MCC: variants seen among roughly 807,000 people sequenced by gnomAD.
The protein encoded by MCC is MCC regulator of Wnt signaling pathway.
Under a neutral mutation model 116.2 loss-of-function variants are expected in MCC, and 90 were observed. That is an observed-to-expected ratio of 0.77 (90% CI 0.65 to 0.92). The LOEUF is 0.92. MCC is among the 40% of genes least tolerant of loss of function. The probability of loss-of-function intolerance (pLI) is 0.00; values close to 1 mark genes in which losing one functional copy is unlikely to be tolerated. For missense variants in MCC, 1,516 were observed against 1,312.2 expected (o/e 1.16, Z -2.40); for synonymous variants, 578 against 510.5 (o/e 1.13, Z -1.78).
chr5:113,360,070 C>G (rs1768508195), intron 2 of MCC, among the ~76,000 whole-genome samples: 1 of 152,116 alleles, frequency 6.6e-6, no homozygotes, highest in Non-Finnish European at 1.5e-5. Flanking sequence ...AGCCTGCTCC[C>G]TGCCATGAAA....
chr5:113,040,951 C>T (rs1401619469), intron 17 of MCC, among the ~76,000 whole-genome samples: 1 of 152,196 alleles, frequency 6.6e-6, no homozygotes, highest in Non-Finnish European at 1.5e-5. Flanking sequence ...GCTTAGCTTA[C>T]AGATACAATA....
At chr5:113,383,241 ATG>A (rs1336071995) in intron 2 of MCC, among the ~76,000 whole-genome samples, 2 of 152,192 alleles carry the variant, frequency 1.3e-5, no homozygotes, top group African/African-American at 4.8e-5. Flanking sequence ...GTGTTCCACA[ATG>A]TACTTAACAC....
chr5:113,039,351 C>T (rs1044756308), intron 17 of MCC, among the ~76,000 whole-genome samples: 2 of 152,202 alleles, frequency 1.3e-5, no homozygotes, highest in African/African-American at 4.8e-5. Flanking sequence ...ACCTGGCTCA[C>T]TCAGATCCTT....
At chr5:113,382,270 C>CT (rs112153904) in intron 2 of MCC, among the ~76,000 whole-genome samples, 327 of 136,224 alleles carry the variant, frequency 2.4e-3, no homozygotes, top group East Asian at 5.7e-3. Flanking sequence ...AATTATTGTC[C>CT]TTTTTTTTTT....
At chr5:113,401,730 G>A (rs1447462992) in intron 1 of MCC, among the ~76,000 whole-genome samples, 1 of 151,754 alleles carries the variant, frequency 6.6e-6, no homozygotes, top group Admixed American at 6.6e-5. Flanking sequence ...CCCTGAGGCT[G>A]AGACTGTGAC....
At chr5:113,221,249 A>T (rs1763541893) in intron 3 of MCC, among the ~76,000 whole-genome samples, 1 of 152,220 alleles carries the variant, frequency 6.6e-6, no homozygotes, top group African/African-American at 2.4e-5. Context: ...ATGTGCTTGC[A>T]TTTATCCCAG....
In MCC at chr5:113,103,917, C is replaced by T. The variant is rs535599429; in HGVS notation, c.1191+275G>A. ...TGAACCACTCTAAAATGACGTGGTT[C>T]AATACTAGCAGTCGAATGGTTTCCA... On this transcript the variant is annotated intron_variant, in intron 7 of 18. Coordinates refer to ENST00000408903, the MANE Select transcript of MCC (RefSeq NM_001085377.2). Among the ~76,000 whole-genome samples the T allele has an allele frequency of 4.6e-5, 7 of 152,236 alleles. No individual in the cohort carries two copies. In the East Asian group the frequency reaches 1.2e-3, roughly 25 times the overall value.
At chr5:113,263,743 T>A (rs1453681804) in intron 3 of MCC, among the ~76,000 whole-genome samples, 1 of 152,196 alleles carries the variant, frequency 6.6e-6, no homozygotes, top group Non-Finnish European at 1.5e-5. Context: ...CTACGGGGGT[T>A]ATCTCCAGGA....
At chr5:113,055,643 G>C (rs533078973) in intron 14 of MCC, among the ~76,000 whole-genome samples, 1 of 152,228 alleles carries the variant, frequency 6.6e-6, no homozygotes, top group African/African-American at 2.4e-5. Context: ...GTCCCTTGGA[G>C]ATAAGGTAAG....
At chr5:113,270,581 CCCTA>C (rs1428446502) in intron 3 of MCC, among the ~76,000 whole-genome samples, 3 of 150,622 alleles carry the variant, frequency 2.0e-5, no homozygotes, top group Non-Finnish European at 4.4e-5. Flanking sequence ...CCACTGCATT[CCCTA>C]CCTAACTCCC....
intron 3 of MCC, among the ~76,000 whole-genome samples, chr5:113,230,292 T>G (rs1297957536): frequency 6.6e-6 from 1 of 152,194 alleles, no homozygotes; most frequent in East Asian, 1.9e-4. Context: ...AGCTAACACA[T>G]CAATGTCCTT....
intron 3 of MCC, among the ~76,000 whole-genome samples, chr5:113,272,763 T>C (rs1290250659): frequency 1.3e-5 from 2 of 152,208 alleles, no homozygotes; most frequent in African/African-American, 4.8e-5. Context: ...AAAATGAATA[T>C]GATAATGCTT....
intron 3 of MCC, among the ~76,000 whole-genome samples, chr5:113,171,634 C>T (rs1251186570): frequency 1.3e-5 from 2 of 152,108 alleles, no homozygotes; most frequent in Non-Finnish European, 2.9e-5. Context: ...AGATTAGGGG[C>T]ATGAGCCACC....
intron 6 of MCC, among the ~76,000 whole-genome samples, chr5:113,113,288 T>G (rs558411151): frequency 6.6e-6 from 1 of 152,226 alleles, no homozygotes; most frequent in African/African-American, 2.4e-5. Context: ...AGGAGGGCTG[T>G]TGCTTTCTTT....
intron 1 of MCC, among the ~76,000 whole-genome samples, chr5:113,417,121 C>T (rs1371718401): frequency 6.6e-6 from 1 of 152,064 alleles, no homozygotes; most frequent in African/African-American, 2.4e-5. Flanking sequence ...AGACGCATGC[C>T]ACCACGCCTG....
rs890704547 is a variant in MCC at position 113,027,056 on chromosome 5, C to G, written c.*246G>C. ...GAAACGAGGCTCTGCTGAGCAGGCA[C>G]AGAACATGTGTTTACACGCTGTTGT... is the stretch of plus-strand genomic sequence containing the variant. On this transcript the variant is annotated 3_prime_UTR_variant, in exon 19 of 19. Transcript: ENST00000408903. 4 of 475,826 alleles carry G rather than the reference C, an allele frequency of 8.4e-6. No individual in the cohort carries two copies. The highest frequency in any genetic ancestry group is 7.9e-5 in the African/African-American group (4 of 50,588). The allele number at this position is 475,826 out of a possible 1,614,324, so 29.5% of individuals were successfully genotyped here. A position where few individuals can be genotyped will look rare whatever the true frequency, so the allele number is the denominator to read the frequency against.
intron 3 of MCC, among the ~76,000 whole-genome samples, chr5:113,230,814 G>A (rs1259490059): frequency 6.6e-6 from 1 of 152,124 alleles, no homozygotes; most frequent in Non-Finnish European, 1.5e-5. Context: ...TCTCTAAAAT[G>A]AAAACTACCA....
At chr5:113,069,574 C>CT (rs1418798114) in intron 12 of MCC, among the ~76,000 whole-genome samples, 8 of 152,134 alleles carry the variant, frequency 5.3e-5, no homozygotes, top group Non-Finnish European at 1.0e-4. Context: ...GATTGCCTTT[C>CT]TTTTTTTTCT....
At chr5:113,062,603 TTA>T (rs1374169887) in intron 14 of MCC, among the ~76,000 whole-genome samples, 2 of 152,224 alleles carry the variant, frequency 1.3e-5, no homozygotes, top group Non-Finnish European at 2.9e-5. Context: ...AAATTATAGA[TTA>T]TACACATCTG....
Sources: allele counts gnomAD v4.1 joint callset (sites outside exome capture counted in the v4.1 genomes callset), GRCh38; gene constraint gnomAD v4.1.1; transcripts MANE v1.5; gene names NCBI Gene and HGNC (gene_info 2026-07-23, HGNC 2026-07-21).